The following LARGE1 variants were observed in gnomAD, a reference collection of about 807,000 sequenced individuals.
LARGE1 encodes the protein xylosyl- and glucuronyltransferase LARGE1.
A neutral mutation model predicts 87.6 loss-of-function variants in LARGE1; 43 were observed. The observed-to-expected ratio is 0.49, with a 90% CI of 0.38 to 0.63. LARGE1 has a LOEUF of 0.63. Ranked by LOEUF, LARGE1 falls within the 30% of genes least tolerant of loss-of-function variation. LARGE1 has a pLI of 0.00. For missense variants in LARGE1, 802 were observed against 1,000.2 expected (o/e 0.80, Z 2.67); for synonymous variants, 434 against 394.6 (o/e 1.10, Z -1.18).
intron 2 of LARGE1, among the ~76,000 whole-genome samples, chr22:33,693,686 T>C (rs919366132): frequency 2.0e-5 from 3 of 152,004 alleles, no homozygotes; most frequent in Non-Finnish European, 4.4e-5. Context: ...TGCCTGGGCA[T>C]GGTGGCGCAC....
At chr22:33,881,170 G>A (rs2064670821) in intron 1 of LARGE1, among the ~76,000 whole-genome samples, 1 of 152,128 alleles carries the variant, frequency 6.6e-6, no homozygotes, top group South Asian at 2.1e-4. Flanking sequence ...GCCTTCTTGT[G>A]TACCAGGTTT....
intron 5 of LARGE1, among the ~76,000 whole-genome samples, chr22:33,570,446 G>A (rs1278866724): frequency 1.3e-5 from 2 of 151,830 alleles, no homozygotes; most frequent in Admixed American, 1.3e-4. Context: ...TCAAGATATC[G>A]AGACCACCCT....
chr22:33,516,496 C>T (rs990636899), intron 6 of LARGE1, among the ~76,000 whole-genome samples: 2 of 152,094 alleles, frequency 1.3e-5, no homozygotes, highest in Admixed American at 6.5e-5. Flanking sequence ...TTGCACCAGG[C>T]CTCACAAATT....
At chr22:33,876,843 T>C (rs1325198358) in intron 1 of LARGE1, among the ~76,000 whole-genome samples, 1 of 148,884 alleles carries the variant, frequency 6.7e-6, no homozygotes, top group African/African-American at 2.5e-5. Flanking sequence ...AAATAAAATA[T>C]AAAATAAAAA....
chr22:33,349,525 C>G (rs922669351), intron 9 of LARGE1, among the ~76,000 whole-genome samples: 7 of 152,162 alleles, frequency 4.6e-5, no homozygotes, highest in Non-Finnish European at 8.8e-5. Flanking sequence ...AATGCAAGAG[C>G]TGTGTTCTAT....
intron 11 of LARGE1, among the ~76,000 whole-genome samples, chr22:33,252,682 G>A (rs1927066358): frequency 6.7e-6 from 1 of 149,700 alleles, no homozygotes; most frequent in African/African-American, 2.4e-5. Flanking sequence ...TCCTTTGTTT[G>A]TTGGTGGTGT....
At chr22:33,901,982 A>C (rs1336399989) in intron 1 of LARGE1, among the ~76,000 whole-genome samples, 1 of 152,224 alleles carries the variant, frequency 6.6e-6, no homozygotes, top group African/African-American at 2.4e-5. Flanking sequence ...GACAGACCAG[A>C]CAATGAACAC....
At chr22:33,786,738 T>G (rs2085654457) in intron 1 of LARGE1, among the ~76,000 whole-genome samples, 1 of 152,172 alleles carries the variant, frequency 6.6e-6, no homozygotes, top group Admixed American at 6.5e-5. Flanking sequence ...AACAGTAAGA[T>G]AGGCTGGGCG....
chr22:33,453,652 C>T (rs955462996), intron 6 of LARGE1, among the ~76,000 whole-genome samples: 2 of 152,064 alleles, frequency 1.3e-5, no homozygotes, highest in African/African-American at 4.8e-5. Context: ...CTGAGGCAGC[C>T]CATCTTCATT....
intron 9 of LARGE1, among the ~76,000 whole-genome samples, chr22:33,356,419 C>T (rs941260291): frequency 1.3e-5 from 2 of 152,300 alleles, no homozygotes; most frequent in East Asian, 3.9e-4. Flanking sequence ...TGCCACCAAC[C>T]GGTGTTTAAC....
chr22:33,795,996 T>TAA (rs3072310), intron 1 of LARGE1, among the ~76,000 whole-genome samples: 12,434 of 143,282 alleles, frequency 0.087, 1,647 homozygotes, highest in African/African-American at 0.29. Context: ...CTTAAAGTAT[T>TAA]AAAAAAAAAA....
chr22:33,364,216 G>C (rs539555819), intron 9 of LARGE1, among the ~76,000 whole-genome samples: 1 of 152,040 alleles, frequency 6.6e-6, no homozygotes, highest in African/African-American at 2.4e-5. Flanking sequence ...CACCACGCCC[G>C]GCTAATTTTT....
At chr22:33,815,124 G>A (rs1309135601) in intron 1 of LARGE1, among the ~76,000 whole-genome samples, 1 of 152,186 alleles carries the variant, frequency 6.6e-6, no homozygotes, top group Non-Finnish European at 1.5e-5. Flanking sequence ...GTCCAAGGAA[G>A]ATGCAAGCCC....
chr22:33,466,051 T>A (rs1452576536), intron 6 of LARGE1, among the ~76,000 whole-genome samples: 3 of 152,156 alleles, frequency 2.0e-5, no homozygotes, highest in Non-Finnish European at 4.4e-5. Context: ...CTACCCAATA[T>A]GTCCCCGCTC....
chr22:33,847,130 T>C (rs1458737218), intron 1 of LARGE1, among the ~76,000 whole-genome samples: 2 of 152,156 alleles, frequency 1.3e-5, no homozygotes, highest in East Asian at 1.9e-4. Context: ...GCTTTAAAAT[T>C]TCTCTCTTTT....
intron 1 of LARGE1, among the ~76,000 whole-genome samples, chr22:33,806,574 G>A (rs1326522230): frequency 6.6e-6 from 1 of 152,162 alleles, no homozygotes; most frequent in Non-Finnish European, 1.5e-5. Flanking sequence ...TCAACTATAA[G>A]CTCCTTGAAA....
chr22:33,730,789 T>C (rs2083439098), intron 2 of LARGE1, among the ~76,000 whole-genome samples: 1 of 151,662 alleles, frequency 6.6e-6, no homozygotes, highest in Admixed American at 6.6e-5. Context: ...GCCTCCCTGG[T>C]TCAAGCGATT....
At chr22:33,711,372 T>C (rs1569395359) in intron 2 of LARGE1, among the ~76,000 whole-genome samples, 1 of 152,216 alleles carries the variant, frequency 6.6e-6, no homozygotes, top group Non-Finnish European at 1.5e-5. Flanking sequence ...TCCTCTGCTA[T>C]ACTACGCCTC....
chr22:33,082,285 T>C, the LARGE1 span, among the ~76,000 whole-genome samples: 1 of 152,216 alleles, frequency 6.6e-6, no homozygotes, highest in African/African-American at 2.4e-5. Flanking sequence ...CAATTCTATC[T>C]ACATGTTCTT....
Sources: gnomAD v4.1 joint callset for allele counts (sites outside exome capture counted in the v4.1 genomes callset) on GRCh38, gnomAD v4.1.1 for gene constraint, MANE v1.5 for transcripts, NCBI Gene and HGNC (gene_info 2026-07-23, HGNC 2026-07-21) for gene names.